The following DYM variants were observed in gnomAD, a reference collection of about 807,000 sequenced individuals.
DYM encodes dymeclin.
In DYM, 78 loss-of-function variants were observed where a neutral mutation model predicts 93.1. The observed-to-expected ratio is 0.84, with a 90% CI of 0.70 to 1.01. DYM has a LOEUF of 1.01. DYM is among the 50% of genes least tolerant of loss of function. DYM has a pLI of 0.00. For missense variants in DYM, 789 were observed against 845.0 expected (o/e 0.93, Z 0.82); for synonymous variants, 321 against 319.7 (o/e 1.00, Z -0.04).
At chr18:49,365,312 T>C (rs2066422880) in intron 5 of DYM, among the ~76,000 whole-genome samples, 1 of 152,120 alleles carries the variant, frequency 6.6e-6, no homozygotes, top group Admixed American at 6.5e-5. Context: ...TAAATCATGC[T>C]GAACACAGCA....
intron 3 of DYM, among the ~76,000 whole-genome samples, chr18:49,382,386 G>C (rs1449325253): frequency 2.0e-5 from 3 of 152,168 alleles, no homozygotes; most frequent in Non-Finnish European, 2.9e-5. Flanking sequence ...ATAAGATGAA[G>C]ATTAGGGCAA....
intron 8 of DYM, among the ~76,000 whole-genome samples, chr18:49,324,578 G>C (rs548448440): frequency 6.6e-6 from 1 of 152,206 alleles, no homozygotes; most frequent in Non-Finnish European, 1.5e-5. Flanking sequence ...GAGAAAACAT[G>C]GCTGGCATAT....
chr18:49,324,709 A>C (rs764574713), intron 8 of DYM, among the ~76,000 whole-genome samples: 4 of 152,212 alleles, frequency 2.6e-5, no homozygotes, highest in Non-Finnish European at 5.9e-5. Context: ...GGATTTTCTG[A>C]TCATTAGCTG....
intron 13 of DYM, among the ~76,000 whole-genome samples, chr18:49,217,788 C>G (rs1488313539): frequency 6.6e-6 from 1 of 152,192 alleles, no homozygotes; most frequent in Non-Finnish European, 1.5e-5. Context: ...CCGTACCACC[C>G]ACTGCAAAAA....
chr18:49,080,313 G>A (rs1278589369), intron 17 of DYM, among the ~76,000 whole-genome samples: 9 of 137,332 alleles, frequency 6.6e-5, no homozygotes, highest in Non-Finnish European at 4.8e-5. Flanking sequence ...CCTCCCGGAC[G>A]GGGTGGCTGG....
At chr18:49,439,792 C>G (rs747878903) in intron 1 of DYM, among the ~76,000 whole-genome samples, 1 of 152,042 alleles carries the variant, frequency 6.6e-6, no homozygotes, top group East Asian at 1.9e-4. Context: ...TTTCCAGAAG[C>G]TGAGTTCAAG....
chr18:49,425,546 G>T (rs866221779), intron 2 of DYM, among the ~76,000 whole-genome samples: 1,627 of 151,990 alleles, frequency 0.011, 29 homozygotes, highest in African/African-American at 0.038. Context: ...TGACAAATGG[G>T]ATCTAATTCA....
At chr18:49,439,240 T>C (rs969832136) in intron 1 of DYM, among the ~76,000 whole-genome samples, 1 of 152,224 alleles carries the variant, frequency 6.6e-6, no homozygotes, top group Non-Finnish European at 1.5e-5. Flanking sequence ...ATGATCCTTA[T>C]GTAACTCTAT....
intron 2 of DYM, among the ~76,000 whole-genome samples, chr18:49,425,740 T>C (rs1424067416): frequency 6.6e-6 from 1 of 152,164 alleles, no homozygotes; most frequent in Non-Finnish European, 1.5e-5. Context: ...GCAAAGGGTA[T>C]GAACAGATAC....
rs76508052 is a variant in DYM at position 49,144,736 on chromosome 18, A to G, written c.1728+18949T>C. Among the ~76,000 whole-genome samples the G allele has an allele frequency of 2.6e-3, 390 of 152,246 alleles. 2 individuals carry two copies. The highest frequency in any genetic ancestry group is 9.2e-3 in the African/African-American group (381 of 41,542). ...TGCAGGTACTTCCTATTCAAATTCA[A>G]GATCAAAGGGTTCTTAGTTAATCTC... On this transcript the variant is annotated intron_variant, in intron 15 of 17. Transcript: ENST00000675505.
At chr18:49,293,420 T>C (rs919001095) in intron 8 of DYM, among the ~76,000 whole-genome samples, 3 of 152,220 alleles carry the variant, frequency 2.0e-5, no homozygotes, top group African/African-American at 7.2e-5. Flanking sequence ...CCACAATGGC[T>C]GAACTAATTT....
chr18:49,037,945 T>TTCCCAAGTAGCTGGGGTTATAGGCAC lies in DYM; in HGVS notation c.*6109_*6110insGTGCCTATAACCCCAGCTACTTGGGA, dbSNP rs2070765871. On this transcript the variant is annotated 3_prime_UTR_variant, in exon 18 of 18. Coordinates refer to ENST00000675505, the MANE Select transcript of DYM (RefSeq NM_001353214.3). ...GCACAAGTGATTCTCCTGCCTCAGC[T>TTCCCAAGTAGCTGGGGTTATAGGCAC]TCCCAAGTAGCTGGGGCTATAGGCA... is the stretch of plus-strand genomic sequence containing the variant. 6.6e-6 allele frequency among the ~76,000 whole-genome samples: 1 copy of TTCCCAAGTAGCTGGGGTTATAGGCAC among 152,120 alleles called. No individual in the cohort carries two copies. Among genetic ancestry groups the TTCCCAAGTAGCTGGGGTTATAGGCAC allele is most frequent in the African/African-American group, 2.4e-5 (1 of 41,424 alleles).
intron 9 of DYM, among the ~76,000 whole-genome samples, chr18:49,285,651 G>A (rs893157560): frequency 2.0e-5 from 3 of 152,206 alleles, no homozygotes; most frequent in Non-Finnish European, 2.9e-5. Flanking sequence ...TAGTAGCTAC[G>A]CCATCTAGGT....
intron 15 of DYM, among the ~76,000 whole-genome samples, chr18:49,160,641 T>C (rs769325714): frequency 4.6e-5 from 7 of 151,748 alleles, no homozygotes; most frequent in Non-Finnish European, 2.9e-5. Context: ...CTCATTTTCC[T>C]TTTTCATCTT....
At chr18:49,222,249 T>A (rs1283559956) in intron 13 of DYM, among the ~76,000 whole-genome samples, 5 of 152,116 alleles carry the variant, frequency 3.3e-5, no homozygotes, top group Non-Finnish European at 7.4e-5. Context: ...TGTTAAATAA[T>A]CTAAAATTTG....
intron 8 of DYM, among the ~76,000 whole-genome samples, chr18:49,296,517 A>G (rs970924936): frequency 2.0e-5 from 3 of 152,222 alleles, no homozygotes; most frequent in African/African-American, 7.2e-5. Context: ...AGGAGAAACT[A>G]ACATGAAACA....
chr18:49,054,749 G>A (rs1377919705), intron 17 of DYM, among the ~76,000 whole-genome samples: 3 of 152,266 alleles, frequency 2.0e-5, no homozygotes, highest in Middle Eastern at 3.4e-3. Context: ...ACCCAAGAGG[G>A]GCACTTACAA....
chr18:49,158,223 C>T lies in DYM; in HGVS notation c.1728+5462G>A, dbSNP rs148106135. ...CTTCTGACAACCCACAAGTTTGGTT[C>T]TGTAGCTTTTATAAAATTGGTTATA... On this transcript the variant is annotated intron_variant, in intron 15 of 17. Coordinates refer to ENST00000675505, the MANE Select transcript of DYM (RefSeq NM_001353214.3). 1.9e-3 allele frequency among the ~76,000 whole-genome samples: 296 copies of T among 152,286 alleles called. 4 individuals are homozygous for T. The highest frequency in any genetic ancestry group is 2.7e-3 in the East Asian group (14 of 5,190).
At chr18:49,419,996 G>T (rs999336190) in intron 2 of DYM, among the ~76,000 whole-genome samples, 4 of 152,122 alleles carry the variant, frequency 2.6e-5, no homozygotes, top group African/African-American at 9.7e-5. Flanking sequence ...TTAAGGAAAT[G>T]ATTTCAAAAG....
Sources: gnomAD v4.1 joint callset for allele counts (sites outside exome capture counted in the v4.1 genomes callset) on GRCh38, gnomAD v4.1.1 for gene constraint, MANE v1.5 for transcripts, NCBI Gene and HGNC (gene_info 2026-07-23, HGNC 2026-07-21) for gene names.